The following NYAP2 variants were observed in gnomAD, a reference collection of about 807,000 sequenced individuals.
NYAP2 encodes neuronal tyrosine-phosphorylated phosphoinositide-3-kinase adapter 2.
A neutral mutation model predicts 50.4 loss-of-function variants in NYAP2; 23 were observed. That is an observed-to-expected ratio of 0.46 (90% CI 0.33 to 0.65). NYAP2 has a LOEUF of 0.65. Ranked by LOEUF, NYAP2 falls within the 30% of genes least tolerant of loss-of-function variation. The pLI is 0.02. For missense variants in NYAP2, 885 were observed against 861.0 expected, an observed-to-expected ratio of 1.03 and a Z score of -0.35; for synonymous variants, 394 against 365.2, an observed-to-expected ratio of 1.08 and a Z score of -0.90.
chr2:225,654,963 G>A (rs1225632620), downstream of NYAP2, among the ~76,000 whole-genome samples: 1 of 152,216 alleles, frequency 6.6e-6, no homozygotes, highest in East Asian at 1.9e-4. Flanking sequence ...GGTGGAGTTA[G>A]GTGAAAGTGC....
chr2:225,636,124 A>G (rs1212977600), intron 6 of NYAP2, among the ~76,000 whole-genome samples: 1 of 152,232 alleles, frequency 6.6e-6, no homozygotes, highest in Non-Finnish European at 1.5e-5. Flanking sequence ...TAAAACAACC[A>G]ATTATTCCAA....
At chr2:225,699,877 A>T in the NYAP2 span, 1 of 151,956 alleles carries the variant, frequency 6.6e-6, no homozygotes, top group Admixed American at 6.6e-5. Context: ...TATTGCCACG[A>T]ATGAATAAAA....
chr2:225,662,278 T>G, the NYAP2 span, among the ~76,000 whole-genome samples: 1 of 152,236 alleles, frequency 6.6e-6, no homozygotes, highest in Non-Finnish European at 1.5e-5. Context: ...TTGTGGACCA[T>G]GGACTAGTGC....
chr2:225,464,015 G>T (rs573514027), intron 3 of NYAP2, among the ~76,000 whole-genome samples: 2 of 152,262 alleles, frequency 1.3e-5, no homozygotes, highest in East Asian at 3.9e-4. Flanking sequence ...AGATGGGAGG[G>T]TTTGTGGAAG....
intron 3 of NYAP2, among the ~76,000 whole-genome samples, chr2:225,494,642 C>T (rs1263548247): frequency 6.6e-6 from 1 of 152,174 alleles, no homozygotes; most frequent in Non-Finnish European, 1.5e-5. Flanking sequence ...TATAGGCCTT[C>T]CATACGCTTT....
chr2:225,628,300 CAT>C (rs1197201588), intron 6 of NYAP2, among the ~76,000 whole-genome samples: 1 of 146,966 alleles, frequency 6.8e-6, no homozygotes, highest in Non-Finnish European at 1.5e-5. Context: ...GAAAAAGAAA[CAT>C]AGAGAACACA....
At chr2:225,677,945 A>G in the NYAP2 span, among the ~76,000 whole-genome samples, 5 of 151,984 alleles carry the variant, frequency 3.3e-5, no homozygotes, top group Non-Finnish European at 7.4e-5. Context: ...AGTTAGGGAG[A>G]AACTCCTCCT....
intron 3 of NYAP2, among the ~76,000 whole-genome samples, chr2:225,446,431 A>AAAAAC (rs1329695283): frequency 5.3e-5 from 8 of 151,894 alleles, no homozygotes; most frequent in African/African-American, 1.7e-4. Context: ...AAAAGATGCA[A>AAAAAC]AAAACAAAAC....
the NYAP2 span, among the ~76,000 whole-genome samples, chr2:225,679,065 G>T: frequency 1.3e-5 from 2 of 152,146 alleles, no homozygotes; most frequent in African/African-American, 4.8e-5. Flanking sequence ...AAGAAAGAGA[G>T]ATTAAGTATA....
intron 3 of NYAP2, among the ~76,000 whole-genome samples, chr2:225,495,295 G>A (rs1690483464): frequency 6.6e-6 from 1 of 152,054 alleles, no homozygotes; most frequent in Non-Finnish European, 1.5e-5. Context: ...ACTTCTCAGG[G>A]GTTAGGAAAG....
intron 3 of NYAP2, among the ~76,000 whole-genome samples, chr2:225,444,086 T>G (rs892900945): frequency 6.6e-6 from 1 of 152,200 alleles, no homozygotes; most frequent in African/African-American, 2.4e-5. Context: ...CATGTTGCAT[T>G]TTTTTCAGAT....
chr2:225,476,345 G>C (rs189793334), intron 3 of NYAP2, among the ~76,000 whole-genome samples: 1 of 151,682 alleles, frequency 6.6e-6, no homozygotes. Context: ...CCCGGGAGGC[G>C]GAGCTTGCAG....
chr2:225,701,248 G>A, the NYAP2 span: 4 of 151,752 alleles, frequency 2.6e-5, no homozygotes, highest in Admixed American at 1.3e-4. Context: ...AATCAACTGG[G>A]ATACTTCAAT....
At chr2:225,553,771 T>C (rs144437137) in intron 4 of NYAP2, among the ~76,000 whole-genome samples, 290 of 152,308 alleles carry the variant, frequency 1.9e-3, no homozygotes, top group African/African-American at 6.3e-3. Context: ...GGTGCATGGC[T>C]CACACCTGTA....
At chr2:225,534,437 T>C (rs1185801585) in intron 4 of NYAP2, among the ~76,000 whole-genome samples, 2 of 152,236 alleles carry the variant, frequency 1.3e-5, no homozygotes, top group African/African-American at 2.4e-5. Flanking sequence ...GTCGCAGATA[T>C]ATCCATGAGC....
At chr2:225,568,881 T>C (rs1692010447) in intron 4 of NYAP2, among the ~76,000 whole-genome samples, 1 of 152,084 alleles carries the variant, frequency 6.6e-6, no homozygotes, top group Non-Finnish European at 1.5e-5. Context: ...GAGGGAAAGC[T>C]TTCCCCCTTA....
intron 6 of NYAP2, among the ~76,000 whole-genome samples, chr2:225,651,199 G>T (rs905514691): frequency 2.0e-5 from 3 of 152,174 alleles, no homozygotes; most frequent in Non-Finnish European, 4.4e-5. Context: ...ATGTGCAAAG[G>T]CACAAGGCCT....
At chr2:225,576,820 G>T (rs1429277590) in intron 4 of NYAP2, among the ~76,000 whole-genome samples, 1 of 152,130 alleles carries the variant, frequency 6.6e-6, no homozygotes, top group Non-Finnish European at 1.5e-5. Flanking sequence ...CTTAGATATT[G>T]TGGTTAGTAA....
rs148132430 is a variant in NYAP2 at position 225,457,153 on chromosome 2, G to A, written c.221+48052G>A. ...GCCAGGCACTGGTCCTACGCTATGC[G>A]GAGTGAATGCAATGTACATCCTGTG... On this transcript the variant is annotated intron_variant, in intron 3 of 6. Coordinates refer to ENST00000636099, the Ensembl canonical transcript of NYAP2. Among the ~76,000 whole-genome samples the A allele has an allele frequency of 5.2e-3, 785 of 152,270 alleles. 7 individuals are homozygous for A. Among genetic ancestry groups the A allele is most frequent in the Middle Eastern group, 0.017 (5 of 294 alleles).
Sources: allele counts gnomAD v4.1 joint callset (sites outside exome capture counted in the v4.1 genomes callset), GRCh38; gene constraint gnomAD v4.1.1; transcripts MANE v1.5; gene names NCBI Gene and HGNC (gene_info 2026-07-23, HGNC 2026-07-21).